The following PDHB variants were observed in gnomAD, a reference collection of about 807,000 sequenced individuals.
PDHB encodes the protein pyruvate dehydrogenase E1 component subunit beta, mitochondrial.
In PDHB, 17 loss-of-function variants were observed where a neutral mutation model predicts 42.8. The ratio of observed to expected loss-of-function variants is 0.40; its 90% CI spans 0.27 to 0.60. PDHB has a LOEUF of 0.60. Ranked by LOEUF, PDHB falls within the 20% of genes least tolerant of loss-of-function variation. The pLI is 0.46. For missense variants in PDHB, 322 were observed against 451.3 expected (o/e 0.71, Z 2.60); for synonymous variants, 154 against 148.7 (o/e 1.04, Z -0.26).
chr3:58,432,422 C>T (rs1576958483), intron 2 of PDHB: 1 of 240,440 alleles, frequency 4.2e-6, no homozygotes, highest in East Asian at 1.1e-4. Flanking sequence ...CAAGGCCAGG[C>T]ACGGTGGCTC....
In PDHB at chr3:58,431,408, G is replaced by A. The variant is rs978361088; in HGVS notation, c.303+185C>T. The A allele has an allele frequency of 9.9e-6, 6 of 604,218 alleles. No individual in the cohort carries two copies. The Admixed American group carries it at 1.2e-4, about 12-fold the overall frequency. 37.4% of individuals were successfully genotyped at this position (604,218 alleles called of 1,614,324 possible). ...TACTAAAAACACAAAAATTGGCTAG[G>A]CACAGTGGCGCGACCTGTAACCCCA... On this transcript the variant is annotated intron_variant, in intron 5 of 9. Transcript: ENST00000302746. The surrounding 1 kb of genome is among the most constrained non-coding windows in gnomAD (Gnocchi z 4.4).
At chr3:58,428,924 G>T in intron 8 of PDHB, 1 of 329,820 alleles carries the variant, frequency 3.0e-6, no homozygotes, top group Non-Finnish European at 5.7e-6. Flanking sequence ...GCGTGATCTC[G>T]GCTCACTGCC....
At chr3:58,428,859 TTTTA>T (rs1395998791) in intron 8 of PDHB, 3 of 505,250 alleles carry the variant, frequency 5.9e-6, no homozygotes, top group Non-Finnish European at 7.1e-6. Context: ...TCCTTCACTT[TTTTA>T]TTTCTTTTGG....
intron 9 of PDHB, 82 bp downstream of exon 9, chr3:58,428,391 A>G: frequency 6.7e-7 from 1 of 1,490,040 alleles, no homozygotes; most frequent in Non-Finnish European, 9.4e-7. Flanking sequence ...CCTAGCTTTC[A>G]ATCTCTTTAT....
chr3:58,430,105 T>C (rs779699743), intron 7 of PDHB, 23 bp downstream of exon 7: 9 of 1,329,358 alleles, frequency 6.8e-6, no homozygotes, highest in Non-Finnish European at 7.6e-6. Flanking sequence ...AAAAATACTG[T>C]TTATATATCT....
intron 9 of PDHB, 81 bp from the exon 10 acceptor site, chr3:58,428,260 G>A (rs894410957): frequency 7.2e-7 from 1 of 1,389,724 alleles, no homozygotes; most frequent in Admixed American, 1.7e-5. Flanking sequence ...TGGCTGACCA[G>A]GAAGAGAAAA....
intron 6 of PDHB, 30 bp from the exon 7 acceptor site, chr3:58,430,268 A>C: frequency 2.2e-6 from 3 of 1,359,880 alleles, no homozygotes; most frequent in Non-Finnish European, 3.1e-6. Context: ...AAACAAAAGT[A>C]ATTAATCACA....
Position 58,433,622 on chromosome 3 carries a change from G to A in PDHB, c.96+9C>T. The A allele has an allele frequency of 1.2e-6, 2 of 1,608,764 alleles. No homozygotes were observed. Among genetic ancestry groups the A allele is most frequent in the Non-Finnish European group, 1.7e-6 (2 of 1,178,440 alleles). ...CCGCCCTCGTCCGACGAGCACCCGC[G>A]CCTGTTACCTGCAGCGCAGCCGGCG... On this transcript the variant is annotated intron_variant, in intron 2 of 9. Coordinates refer to ENST00000302746, the MANE Select transcript of PDHB (RefSeq NM_000925.4).
At position 58,433,821 on chromosome 3, in the gene PDHB, C is replaced by A; in HGVS notation, c.-12G>T. On this transcript the variant is annotated 5_prime_UTR_variant, in exon 1 of 10. Transcript: ENST00000302746. ...GACACCGCCGCCATCTTGGTCGTGT[C>A]CTCTATCCGCTGCCAAACGACAACA... The A allele has an allele frequency of 5.6e-6, 9 of 1,609,210 alleles. No homozygotes were observed. Among genetic ancestry groups the A allele is most frequent in the Middle Eastern group, 1.7e-4 (1 of 6,048 alleles).
intron 8 of PDHB, among the ~76,000 whole-genome samples, chr3:58,429,365 CAGG>C (rs1227378152): frequency 3.3e-5 from 5 of 151,700 alleles, no homozygotes; most frequent in Admixed American, 6.6e-5. Context: ...CACTTGGGCC[CAGG>C]AGTTCACGGT....
Position 58,431,486 on chromosome 3 carries a change from G to T in PDHB, c.303+107C>A. 1 of 875,812 alleles carries T rather than the reference G, an allele frequency of 1.1e-6. No homozygotes were observed. Among genetic ancestry groups the T allele is most frequent in the South Asian group, 1.4e-5 (1 of 72,830 alleles). The allele number at this position is 875,812 out of a possible 1,614,324, so 54.3% of individuals were successfully genotyped here. On this transcript the variant is annotated intron_variant, in intron 5 of 9. Transcript: ENST00000302746. This position sits in a 1 kb window ranked among gnomAD's most constrained non-coding sequence, Gnocchi z 4.4. ...TTGCTTGAACCTGGAAGCTGAGATGGTGCCAGTGCACTCCAGGCTGGACAA... is the reference window on the plus strand; with the variant it reads ...TTGCTTGAACCTGGAAGCTGAGATGTTGCCAGTGCACTCCAGGCTGGACAA...
chr3:58,428,211 C>A, intron 9 of PDHB, 32 bp from the exon 10 acceptor site: 1 of 1,608,898 alleles, frequency 6.2e-7, no homozygotes, highest in Non-Finnish European at 8.5e-7. Context: ...TGAGAGAGTG[C>A]AAATGCCAGC....
In PDHB at chr3:58,432,031, CAACT is replaced by C. The variant is rs745316732; in HGVS notation, c.97-51_97-48del. 2.3e-6 allele frequency: 3 copies of C among 1,328,796 alleles called. No individual in the cohort carries two copies. The South Asian group carries it at 3.5e-5, about 16-fold the overall frequency. 82.3% of individuals were successfully genotyped at this position (1,328,796 alleles called of 1,614,324 possible). A position where few individuals can be genotyped will look rare whatever the true frequency, so the allele number is the denominator to read the frequency against. On this transcript the variant is annotated intron_variant, in intron 2 of 9. Transcript: ENST00000302746. ...AGTCAATACAGAATTGTTTGGGATT[CAACT>C]AAGATTTTCTTCCTTTATATTTACC...
At chr3:58,429,668 G>A (rs755530531) in intron 8 of PDHB, 40 bp downstream of exon 8, 1 of 1,190,650 alleles carries the variant, frequency 8.4e-7, no homozygotes, top group Non-Finnish European at 1.3e-6. Context: ...TCTAAAAGGA[G>A]CCCTTCTAAT....
At chr3:58,428,425 T>C (rs2062891981) in intron 9 of PDHB, 48 bp downstream of exon 9, 1 of 1,589,160 alleles carries the variant, frequency 6.3e-7, no homozygotes, top group Non-Finnish European at 8.6e-7. Flanking sequence ...AGGTACATGA[T>C]GTTTACTATA....
At position 58,430,309 on chromosome 3, in the gene PDHB, A is replaced by G. The variant is rs116447404; in HGVS notation, c.590-71T>C. 1.5e-3 allele frequency: 1,518 copies of G among 1,020,422 alleles called. 14 individuals are homozygous for G. The African/African-American group carries it at 0.019, about 13-fold the overall frequency. The allele number at this position is 1,020,422 out of a possible 1,614,324, so 63.2% of individuals were successfully genotyped here. A position where few individuals can be genotyped will look rare whatever the true frequency, so the allele number is the denominator to read the frequency against. On this transcript the variant is annotated intron_variant, in intron 6 of 9. Coordinates refer to ENST00000302746, the MANE Select transcript of PDHB (RefSeq NM_000925.4). Reference sequence around the variant, plus strand: ...AATGACTAAAACTGCATAGAAAGCAATATCATTCATCTTGTGAGAAGTTTC... The same window carrying G: ...AATGACTAAAACTGCATAGAAAGCAGTATCATTCATCTTGTGAGAAGTTTC...
In PDHB at chr3:58,430,937, C is replaced by T. The variant is rs773743155; in HGVS notation, c.309G>A (p.Gly103=). The change falls in exon 6 of 10, where the codon GGG becomes GGA. Residue 103 remains glycine (G), a synonymous_variant. Transcript: ENST00000302746. ...TCATAAATTCACAAATGGGCCGCAA[C>T]CCAGCCTGTAAAATCAAAAACGTGG... ...AGIAVGAAMA[G]LRPICEFMTF... 9.9e-6 allele frequency: 16 copies of T among 1,614,174 alleles called. No homozygotes were observed. In the South Asian group the frequency reaches 1.5e-4, roughly 16 times the overall value.
At position 58,431,649 on chromosome 3, in the gene PDHB, A is replaced by G. The variant is rs746264903; in HGVS notation, c.268-21T>C. On this transcript the variant is annotated intron_variant, in intron 4 of 9. Coordinates refer to ENST00000302746, the MANE Select transcript of PDHB (RefSeq NM_000925.4). The surrounding 1 kb of genome is among the most constrained non-coding windows in gnomAD (Gnocchi z 4.4). ...CCCATCTATAAAGTAAAATATAAAC[A>G]TAAGTGAAAATCCATAAAAATGAGG... 6.2e-6 allele frequency: 10 copies of G among 1,608,518 alleles called. No individual in the cohort carries two copies. Among genetic ancestry groups the G allele is most frequent in the African/African-American group, 2.7e-5 (2 of 74,838 alleles).
chr3:58,432,266 C>G (rs2062927006), intron 2 of PDHB: 1 of 437,792 alleles, frequency 2.3e-6, no homozygotes, highest in African/African-American at 2.0e-5. Flanking sequence ...ATGGTAAAAT[C>G]TAGTTAAAAA....
Sources: gnomAD v4.1 joint callset for allele counts (sites outside exome capture counted in the v4.1 genomes callset) on GRCh38, gnomAD v4.1.1 for gene constraint, Gnocchi (gnomAD v3.1) non-coding constraint, MANE v1.5 for transcripts, NCBI Gene and HGNC (gene_info 2026-07-23, HGNC 2026-07-21) for gene names.